PCDHGA2: variants seen among roughly 807,000 people sequenced by gnomAD.
The protein encoded by PCDHGA2 is protocadherin gamma-A2.
Under a neutral mutation model 59.2 loss-of-function variants are expected in PCDHGA2, and 40 were observed. That is an observed-to-expected ratio of 0.68 (90% CI 0.52 to 0.88). PCDHGA2 has a LOEUF of 0.88. PCDHGA2 is among the 40% of genes least tolerant of loss of function. PCDHGA2 has a pLI of 0.00. For missense variants in PCDHGA2, 1,226 were observed against 1,204.0 expected (o/e 1.02, Z -0.27); for synonymous variants, 560 against 526.0 (o/e 1.06, Z -0.89).
intron 1 of PCDHGA2, chr5:141,409,922 T>C (rs752487198): frequency 1.2e-6 from 2 of 1,613,182 alleles, no homozygotes; most frequent in African/African-American, 2.7e-5. Context: ...CGGCTCCGCG[T>C]TCTTCGATAT....
chr5:141,408,131 G>C, intron 1 of PCDHGA2: 1 of 1,482,338 alleles, frequency 6.7e-7, no homozygotes, highest in South Asian at 1.4e-5. Flanking sequence ...TGGGCCGAAT[G>C]CTCTTTTAGC....
At position 141,487,565 on chromosome 5, in the gene PCDHGA2, G is replaced by A. The variant is rs1473034794; in HGVS notation, c.2425-7242G>A. ...GTCACCCAGTGCACCTATGGCAGGGGAGCCTGTTCGCCCAAGCTGCCCACC... is the reference window on the plus strand; with the variant it reads ...GTCACCCAGTGCACCTATGGCAGGGAAGCCTGTTCGCCCAAGCTGCCCACC... On this transcript the variant is annotated intron_variant, in intron 1 of 3. Transcript: ENST00000394576. This position sits in a 1 kb window ranked among gnomAD's most constrained non-coding sequence, Gnocchi z 5.0. The A allele has an allele frequency of 6.2e-7, 1 of 1,614,164 alleles. No individual in the cohort carries two copies. Among genetic ancestry groups the A allele is most frequent in the East Asian group, 2.2e-5 (1 of 44,856 alleles).
chr5:141,431,462 G>A lies in PCDHGA2; in HGVS notation c.2425-63345G>A. ...GCGCATCCGCGTGATGGTTCTGGAT[G>A]CGAACGACAACGCACCAGCGTTTGC... On this transcript the variant is annotated intron_variant, in intron 1 of 3. Transcript: ENST00000394576. This position sits in a 1 kb window ranked among gnomAD's most constrained non-coding sequence, Gnocchi z 4.8. 6.2e-7 allele frequency: 1 copy of A among 1,613,826 alleles called. No individual in the cohort carries two copies. The highest frequency in any genetic ancestry group is 2.2e-5 in the East Asian group (1 of 44,886).
intron 1 of PCDHGA2, among the ~76,000 whole-genome samples, chr5:141,369,505 G>GA (rs1379316544): frequency 5.3e-5 from 8 of 150,772 alleles, no homozygotes; most frequent in African/African-American, 1.2e-4. Context: ...CACCTCTATA[G>GA]AAAAAAAAAG....
chr5:141,366,410 G>A, intron 1 of PCDHGA2: 1 of 1,614,204 alleles, frequency 6.2e-7, no homozygotes, highest in Non-Finnish European at 8.5e-7. Context: ...ACTCTATCTT[G>A]TGGTGGCAGT....
intron 1 of PCDHGA2, chr5:141,352,085 G>C (rs774653294): frequency 5.6e-6 from 9 of 1,604,744 alleles, no homozygotes. Flanking sequence ...GCAGGCCAGC[G>C]AGCCCGGGCT....
chr5:141,490,998 C>T lies in PCDHGA2; in HGVS notation c.2425-3809C>T, dbSNP rs1284919124. 5 of 1,614,014 alleles carry T rather than the reference C, an allele frequency of 3.1e-6. No homozygotes were observed. The highest frequency in any genetic ancestry group is 1.7e-5 in the Admixed American group (1 of 60,016). On this transcript the variant is annotated intron_variant, in intron 1 of 3. Coordinates refer to ENST00000394576, the MANE Select transcript of PCDHGA2 (RefSeq NM_018915.4). The surrounding 1 kb of genome is among the most constrained non-coding windows in gnomAD (Gnocchi z 5.4). Reference sequence around the variant, plus strand: ...GTCTCCCTCGCTCTGCTCCTCCTGGCTCCTTGGTCACCAAGGTGACAGCCG... The same window carrying T: ...GTCTCCCTCGCTCTGCTCCTCCTGGTTCCTTGGTCACCAAGGTGACAGCCG...
intron 1 of PCDHGA2, chr5:141,345,314 G>C (rs1343984068): frequency 1.9e-6 from 3 of 1,613,828 alleles, no homozygotes; most frequent in Non-Finnish European, 2.5e-6. Context: ...CCTCAGATGG[G>C]GGAAGCCCGC....
At chr5:141,400,242 G>A (rs757952126) in intron 1 of PCDHGA2, 14 of 1,613,894 alleles carry the variant, frequency 8.7e-6, no homozygotes, top group Middle Eastern at 1.6e-4. Context: ...CCGTGATTCT[G>A]GCCGTTGCCT....
In PCDHGA2 at chr5:141,399,542, C is replaced by T. The variant is rs761214012; in HGVS notation, c.2424+58147C>T. The T allele has an allele frequency of 5.6e-6, 9 of 1,614,046 alleles. No homozygotes were observed. The South Asian group carries it at 8.8e-5, about 16-fold the overall frequency. On this transcript the variant is annotated intron_variant, in intron 1 of 3. Transcript: ENST00000394576. ...GGGGCCTCCATCGCGCAAGTCTGCGCCTCGGACCTGGACTTGGGGTTGAAC... is the reference window on the plus strand; with the variant it reads ...GGGGCCTCCATCGCGCAAGTCTGCGTCTCGGACCTGGACTTGGGGTTGAAC...
chr5:141,511,129 G>A lies in PCDHGA2; in HGVS notation c.2755G>A (p.Gly919Ser). ...GCGGGATGGCAAGGCCCCAGCAGGT[G>A]GCAATGGCAACAAGAAGAAGTCGGG... ...GKRDGKAPAGGNGNKKKSGKK... is the reference protein window; with the variant it reads ...GKRDGKAPAGSNGNKKKSGKK... Residue 919 changes from glycine to serine, a missense_variant, in exon 4 of 4, where the codon GGC becomes AGC. By Grantham distance (56) the Gly-to-Ser change is moderately conservative. Coordinates refer to ENST00000394576, the MANE Select transcript of PCDHGA2 (RefSeq NM_018915.4). 1 of 1,614,204 alleles carries A rather than the reference G, an allele frequency of 6.2e-7. No individual in the cohort carries two copies. Among genetic ancestry groups the A allele is most frequent in the Non-Finnish European group, 8.5e-7 (1 of 1,180,014 alleles).
At chr5:141,461,013 C>G (rs981329088) in intron 1 of PCDHGA2, among the ~76,000 whole-genome samples, 2 of 148,522 alleles carry the variant, frequency 1.3e-5, no homozygotes, top group Non-Finnish European at 3.0e-5. Flanking sequence ...ATATATATAC[C>G]ACATTTTCTT....
At chr5:141,404,759 T>G (rs1466446291) in intron 1 of PCDHGA2, 1 of 1,613,632 alleles carries the variant, frequency 6.2e-7, no homozygotes, top group Admixed American at 1.7e-5. Flanking sequence ...CCAGAATGCT[T>G]GGCTCTCCTA....
In PCDHGA2 at chr5:141,490,770, C is replaced by T. The variant is rs774014462; in HGVS notation, c.2425-4037C>T. 1.2e-6 allele frequency: 2 copies of T among 1,614,120 alleles called. No individual in the cohort carries two copies. Among genetic ancestry groups the T allele is most frequent in the Non-Finnish European group, 8.5e-7 (1 of 1,179,968 alleles). ...CAGCCTCCTCCTTTGTGTATGTCAA[C>T]CCAGAGGATGGACGGATCTTTGCCC... On this transcript the variant is annotated intron_variant, in intron 1 of 3. Transcript: ENST00000394576. The surrounding 1 kb of genome is among the most constrained non-coding windows in gnomAD (Gnocchi z 5.4).
chr5:141,355,025 T>A, intron 1 of PCDHGA2: 2 of 933,162 alleles, frequency 2.1e-6, no homozygotes, highest in East Asian at 2.9e-5. Flanking sequence ...TTAATCAGAA[T>A]CACAAGATTT....
intron 1 of PCDHGA2, chr5:141,370,892 G>C: frequency 6.2e-7 from 1 of 1,613,936 alleles, no homozygotes; most frequent in Non-Finnish European, 8.5e-7. Flanking sequence ...GTGTCAATTC[G>C]CTGCAGCAGT....
At chr5:141,371,184 G>C in intron 1 of PCDHGA2, 1 of 1,614,032 alleles carries the variant, frequency 6.2e-7, no homozygotes, top group Non-Finnish European at 8.5e-7. Context: ...CGTATTAAAA[G>C]TGATGGCCAT....
chr5:141,383,027 C>A lies in PCDHGA2; in HGVS notation c.2424+41632C>A, dbSNP rs752703068. 3 of 1,613,838 alleles carry A rather than the reference C, an allele frequency of 1.9e-6. No homozygotes were observed. In the South Asian group the frequency reaches 3.3e-5, roughly 18 times the overall value. ...GTGTCGGAGGAGACGGACAAAGGGTCCTTTGTGGGAGACATCGCCAAGGAC... is the reference window on the plus strand; with the variant it reads ...GTGTCGGAGGAGACGGACAAAGGGTACTTTGTGGGAGACATCGCCAAGGAC... On this transcript the variant is annotated intron_variant, in intron 1 of 3. Coordinates refer to ENST00000394576, the MANE Select transcript of PCDHGA2 (RefSeq NM_018915.4).
At chr5:141,500,568 T>C (rs1562196424) in intron 2 of PCDHGA2, among the ~76,000 whole-genome samples, 2 of 152,190 alleles carry the variant, frequency 1.3e-5, no homozygotes, top group Admixed American at 6.5e-5. Context: ...CTTGTCACAC[T>C]TTCATGTGAC....
Sources: gnomAD v4.1 joint callset for allele counts (sites outside exome capture counted in the v4.1 genomes callset) on GRCh38, gnomAD v4.1.1 for gene constraint, Gnocchi (gnomAD v3.1) non-coding constraint, MANE v1.5 for transcripts, NCBI Gene and HGNC (gene_info 2026-07-23, HGNC 2026-07-21) for gene names.